The following ARRB1 variants were observed in gnomAD, a reference collection of about 807,000 sequenced individuals.
ARRB1 encodes arrestin beta 1.
Under a neutral mutation model 56.8 loss-of-function variants are expected in ARRB1, and 21 were observed. The observed-to-expected ratio is 0.37, with a 90% CI of 0.26 to 0.53. The LOEUF is 0.53. Among genes scored for constraint, ARRB1 ranks in the 20% least tolerant of loss-of-function variants. The pLI, the probability that ARRB1 is intolerant of heterozygous loss-of-function variation, is 0.88. For synonymous variants in ARRB1, 210 were observed against 218.6 expected (o/e 0.96, Z 0.35); for missense variants, 424 against 553.7 (o/e 0.77, Z 2.35).
intron 1 of ARRB1, among the ~76,000 whole-genome samples, chr11:75,294,441 C>T (rs1946679374): frequency 1.3e-5 from 2 of 152,018 alleles, no homozygotes; most frequent in African/African-American, 4.8e-5. Flanking sequence ...CCTGTAATCC[C>T]AGCTATTCGG....
chr11:75,281,757 A>G (rs1434796351), intron 6 of ARRB1: 2 of 595,596 alleles, frequency 3.4e-6, no homozygotes, highest in Non-Finnish European at 6.0e-6. Context: ...CCATCACTGA[A>G]TGGGAGAGTG....
rs893119257 is a variant in ARRB1, at chr11:75,339,907, C to T, written c.20+11681G>A. On this transcript the variant is annotated intron_variant, in intron 1 of 15. Coordinates refer to ENST00000420843, the MANE Select transcript of ARRB1 (RefSeq NM_004041.5). The stretch of plus-strand genomic sequence containing the variant: ...CCCTGAAAACTCCTAGCCCGAGGCC[C>T]GGGGAGATAGTGTTCCATGTCATGA... Among the ~76,000 whole-genome samples, 83 of 152,288 alleles carry T rather than the reference C, an allele frequency of 5.5e-4. 1 individual carries two copies. Among genetic ancestry groups the T allele is most frequent in the Admixed American group, 7.8e-4 (12 of 15,306 alleles).
chr11:75,326,588 C>T (rs1947437265), intron 1 of ARRB1, among the ~76,000 whole-genome samples: 1 of 152,098 alleles, frequency 6.6e-6, no homozygotes, highest in Admixed American at 6.6e-5. Flanking sequence ...GTCTTAACCA[C>T]TCTGCCTCCC....
chr11:75,344,607 C>T (rs1038665641), intron 1 of ARRB1, among the ~76,000 whole-genome samples: 1 of 152,136 alleles, frequency 6.6e-6, no homozygotes, highest in African/African-American at 2.4e-5. Flanking sequence ...TCTGTCCAAC[C>T]CTCTGTTCTC....
rs974821446 is a variant in ARRB1 at position 75,316,543 on chromosome 11, G to A, written c.21-26504C>T. Among the ~76,000 whole-genome samples the A allele has an allele frequency of 4.6e-5, 7 of 152,120 alleles. No individual in the cohort carries two copies. The South Asian group carries it at 1.2e-3, about 27-fold the overall frequency. On this transcript the variant is annotated intron_variant, in intron 1 of 15. Coordinates refer to ENST00000420843, the MANE Select transcript of ARRB1 (RefSeq NM_004041.5). Reference sequence around the variant, plus strand: ...GGACTATTCACTGAGCACTTCCAGCGGGTGGGTGTCATGGGAACCTGCCAT... The same window carrying A: ...GGACTATTCACTGAGCACTTCCAGCAGGTGGGTGTCATGGGAACCTGCCAT...
chr11:75,332,827 G>A (rs559666945), intron 1 of ARRB1, among the ~76,000 whole-genome samples: 3 of 152,140 alleles, frequency 2.0e-5, no homozygotes, highest in Non-Finnish European at 2.9e-5. Context: ...CCCGGGAGGC[G>A]GAGGTTGCAG....
chr11:75,331,368 ATCT>A (rs1947516492), intron 1 of ARRB1, among the ~76,000 whole-genome samples: 1 of 152,140 alleles, frequency 6.6e-6, no homozygotes, highest in East Asian at 1.9e-4. Flanking sequence ...CTGGGGAGTC[ATCT>A]TCTACAAACC....
intron 2 of ARRB1, among the ~76,000 whole-genome samples, chr11:75,288,599 C>T (rs962194568): frequency 6.6e-6 from 1 of 150,580 alleles, no homozygotes; most frequent in East Asian, 1.9e-4. Context: ...ACTAGTCACC[C>T]TAAAATGCAA....
In ARRB1 at chr11:75,261,635, A is replaced by T. The variant is rs1376011908; in HGVS notation, c.*4528T>A. The T allele has an allele frequency of 6.6e-6, 1 of 152,140 alleles. No homozygotes were observed. Among genetic ancestry groups the T allele is most frequent in the African/African-American group, 2.4e-5 (1 of 41,388 alleles). The allele number at this position is 152,140 out of a possible 1,614,324, so 9.4% of individuals were successfully genotyped here. A position where few individuals can be genotyped will look rare whatever the true frequency, so the allele number is the denominator to read the frequency against. On this transcript the variant is annotated 3_prime_UTR_variant, in exon 16 of 16. Transcript: ENST00000420843. Reference sequence around the variant, plus strand: ...CTTCCCTTTTGGGGTGACGAGTTGGAGTGTGATGGGGGGAGGATGTTTCCC... The same window carrying T: ...CTTCCCTTTTGGGGTGACGAGTTGGTGTGTGATGGGGGGAGGATGTTTCCC...
intron 1 of ARRB1, among the ~76,000 whole-genome samples, chr11:75,332,561 T>G (rs1450211088): frequency 6.6e-6 from 1 of 152,224 alleles, no homozygotes; most frequent in Non-Finnish European, 1.5e-5. Context: ...TCCCAAGTCT[T>G]TAGACAAACT....
chr11:75,344,448 C>A (rs776726280), intron 1 of ARRB1, among the ~76,000 whole-genome samples: 2 of 152,212 alleles, frequency 1.3e-5, no homozygotes, highest in Non-Finnish European at 2.9e-5. Context: ...AGCAGTAGAG[C>A]ATGCCTCTGG....
intron 2 of ARRB1, among the ~76,000 whole-genome samples, chr11:75,289,200 G>C (rs941981875): frequency 1.3e-5 from 2 of 152,154 alleles, no homozygotes; most frequent in Admixed American, 6.5e-5. Context: ...GTGTTCCCGT[G>C]ACCAGCCCTG....
chr11:75,290,051 A>G lies in ARRB1; in HGVS notation c.21-12T>C. 6.2e-7 allele frequency: 1 copy of G among 1,614,160 alleles called. No homozygotes were observed. Among genetic ancestry groups the G allele is most frequent in the Non-Finnish European group, 8.5e-7 (1 of 1,180,020 alleles). On this transcript the variant is annotated splice_polypyrimidine_tract_variant and intron_variant, in intron 1 of 15. Transcript: ENST00000420843. Reference sequence around the variant, plus strand: ...CCTTCTTGAACACTCTGTGGAGAGAAAGAGAGGTCAGGCCAGGGTTCGCGT... The same window carrying G: ...CCTTCTTGAACACTCTGTGGAGAGAGAGAGAGGTCAGGCCAGGGTTCGCGT...
intron 1 of ARRB1, among the ~76,000 whole-genome samples, chr11:75,315,394 C>T (rs1221402844): frequency 6.6e-6 from 1 of 152,052 alleles, no homozygotes; most frequent in South Asian, 2.1e-4. Context: ...TGCCTTATGC[C>T]TGCTTGCTCT....
rs1342444661 is a variant in ARRB1, at chr11:75,265,827, G to A, written c.*336C>T. On this transcript the variant is annotated 3_prime_UTR_variant, in exon 16 of 16. Transcript: ENST00000420843. ...TCCAAGCCCTCATGCCCACCACACC[G>A]TGTCCCACATTCCCCATCCTCCCCT... The A allele has an allele frequency of 1.5e-5, 5 of 334,454 alleles. No individual in the cohort carries two copies. The highest frequency in any genetic ancestry group is 7.0e-5 in the East Asian group (1 of 14,380). 20.7% of individuals were successfully genotyped at this position (334,454 alleles called of 1,614,324 possible).
intron 1 of ARRB1, among the ~76,000 whole-genome samples, chr11:75,335,858 A>G (rs968105972): frequency 6.6e-6 from 1 of 152,230 alleles, no homozygotes; most frequent in African/African-American, 2.4e-5. Flanking sequence ...GGCCCACACG[A>G]CAGTCCTGGA....
chr11:75,336,580 C>A (rs546255929), intron 1 of ARRB1, among the ~76,000 whole-genome samples: 1 of 152,272 alleles, frequency 6.6e-6, no homozygotes, highest in East Asian at 1.9e-4. Flanking sequence ...CTGATTTGCC[C>A]AGGAGTGAGC....
chr11:75,294,449 C>A (rs769169528), intron 1 of ARRB1, among the ~76,000 whole-genome samples: 35 of 151,838 alleles, frequency 2.3e-4, no homozygotes, highest in Non-Finnish European at 4.9e-4. Context: ...CCCAGCTATT[C>A]GGGAGGCTGA....
At chr11:75,284,789 G>C (rs1946433613) in intron 3 of ARRB1, among the ~76,000 whole-genome samples, 1 of 152,106 alleles carries the variant, frequency 6.6e-6, no homozygotes, top group Non-Finnish European at 1.5e-5. Context: ...TGTAGTTCCA[G>C]CTACTCGGGA....
Sources: gnomAD v4.1 joint callset for allele counts (sites outside exome capture counted in the v4.1 genomes callset) on GRCh38, gnomAD v4.1.1 for gene constraint, MANE v1.5 for transcripts, NCBI Gene and HGNC (gene_info 2026-07-23, HGNC 2026-07-21) for gene names.